The following PTPRG variants were observed in gnomAD, a reference collection of about 807,000 sequenced individuals.
PTPRG encodes protein tyrosine phosphatase receptor type G.
In PTPRG, 102 loss-of-function variants were observed where a neutral mutation model predicts 165.3. That is an observed-to-expected ratio of 0.62 (90% confidence interval 0.53 to 0.73). The LOEUF (loss-of-function observed/expected upper bound fraction) is 0.73. PTPRG is among the 30% of genes least tolerant of loss of function. PTPRG has a pLI of 0.00. For synonymous variants in PTPRG, 675 were observed against 669.5 expected, an observed-to-expected ratio of 1.01 and a Z score of -0.13; for missense variants, 1,866 against 1,861.4, an observed-to-expected ratio of 1.00 and a Z score of -0.05.
chr3:61,949,089 A>T (rs1409410046), intron 2 of PTPRG, among the ~76,000 whole-genome samples: 1 of 151,990 alleles, frequency 6.6e-6, no homozygotes, highest in African/African-American at 2.4e-5. Context: ...ATGGCTTTTA[A>T]TGGGAATGCT....
chr3:62,293,401 C>CTAGAGT lies in PTPRG; in HGVS notation c.*94_*95insTAGAGT. Reference sequence around the variant, plus strand: ...GCCAGACTCTAGGTTATACAATAACCCAGTTACTTTTTTACACTGATAAAA... The same window carrying CTAGAGT: ...GCCAGACTCTAGGTTATACAATAACCTAGAGTCAGTTACTTTTTTACACTGATAAAA... On this transcript the variant is annotated 3_prime_UTR_variant, in exon 30 of 30. Coordinates refer to ENST00000474889, the MANE Select transcript of PTPRG (RefSeq NM_002841.4). 1 of 1,160,654 alleles carries CTAGAGT rather than the reference C, an allele frequency of 8.6e-7. No homozygotes were observed. Among genetic ancestry groups the CTAGAGT allele is most frequent in the Non-Finnish European group, 1.2e-6 (1 of 856,182 alleles). The allele number at this position is 1,160,654 out of a possible 1,614,324, so 71.9% of individuals were successfully genotyped here.
intron 24 of PTPRG, chr3:62,276,754 ATTCCTACAATGCCT>A (rs1702244465): frequency 1.9e-6 from 1 of 532,352 alleles, no homozygotes; most frequent in Non-Finnish European, 3.3e-6. Flanking sequence ...GTAAAACTGT[ATTCCTACAATGCCT>A]GTGTCCTTCT....
intron 2 of PTPRG, among the ~76,000 whole-genome samples, chr3:61,833,615 T>C (rs945656656): frequency 1.3e-5 from 2 of 152,088 alleles, no homozygotes; most frequent in African/African-American, 4.8e-5. Flanking sequence ...CAGGCTGGAG[T>C]GCAGTGGTGT....
At chr3:62,032,537 A>T (rs1033980480) in intron 4 of PTPRG, among the ~76,000 whole-genome samples, 2 of 148,184 alleles carry the variant, frequency 1.3e-5, no homozygotes, top group Non-Finnish European at 3.0e-5. Flanking sequence ...GAGCATTCCC[A>T]TTTTTTTTTT....
At chr3:61,883,820 C>T (rs2107477114) in intron 2 of PTPRG, among the ~76,000 whole-genome samples, 1 of 152,208 alleles carries the variant, frequency 6.6e-6, no homozygotes, top group Non-Finnish European at 1.5e-5. Flanking sequence ...AAGCAATCCT[C>T]CCCACCCCAG....
At chr3:62,144,654 C>T (rs1183830267) in intron 6 of PTPRG, among the ~76,000 whole-genome samples, 1 of 152,150 alleles carries the variant, frequency 6.6e-6, no homozygotes, top group East Asian at 1.9e-4. Flanking sequence ...TGATGCTTAT[C>T]AGAACACGTT....
At chr3:61,636,956 C>T (rs1216482119) in intron 1 of PTPRG, among the ~76,000 whole-genome samples, 1 of 152,082 alleles carries the variant, frequency 6.6e-6, no homozygotes, top group Non-Finnish European at 1.5e-5. Flanking sequence ...TTCATTTCAA[C>T]CTTGGGTACT....
chr3:62,040,506 T>C (rs1030813382), intron 4 of PTPRG, among the ~76,000 whole-genome samples: 1 of 152,202 alleles, frequency 6.6e-6, no homozygotes, highest in African/African-American at 2.4e-5. Flanking sequence ...CAGACTGGAG[T>C]GCAGTGGTGC....
chr3:61,976,278 G>A (rs1386423278), intron 2 of PTPRG, among the ~76,000 whole-genome samples: 1 of 152,174 alleles, frequency 6.6e-6, no homozygotes, highest in Non-Finnish European at 1.5e-5. Flanking sequence ...GGCCTTTTGA[G>A]CATTTTTATC....
chr3:62,020,795 C>T (rs769260224), intron 4 of PTPRG, among the ~76,000 whole-genome samples: 3 of 151,784 alleles, frequency 2.0e-5, no homozygotes, highest in Non-Finnish European at 4.4e-5. Context: ...CTCACTGCAG[C>T]CTCGAACTCC....
At position 62,003,413 on chromosome 3, in the gene PTPRG, T is replaced by C. The variant is rs1195295995; in HGVS notation, c.435T>C (p.Ala145=). The change falls in exon 4 of 30, where the codon GCT becomes GCC. Residue 145 remains alanine (A), a synonymous_variant. Transcript: ENST00000474889. ...SGAGLPGRFK[A]EKVEFHWGHS... ...CTGGTCTACCTGGCAGATTCAAAGC[T>C]GAGAAGGTGGAATTTCACTGGGGCC... is the stretch of plus-strand genomic sequence containing the variant. 1 of 1,613,832 alleles carries C rather than the reference T, an allele frequency of 6.2e-7. No homozygotes were observed. Among genetic ancestry groups the C allele is most frequent in the Non-Finnish European group, 8.5e-7 (1 of 1,179,860 alleles).
intron 2 of PTPRG, among the ~76,000 whole-genome samples, chr3:61,774,037 A>G (rs1161404756): frequency 6.6e-6 from 1 of 152,176 alleles, no homozygotes; most frequent in African/African-American, 2.4e-5. Flanking sequence ...AGCCTCCCAA[A>G]GTGCTAGGAT....
At chr3:61,898,602 T>C (rs1371964499) in intron 2 of PTPRG, among the ~76,000 whole-genome samples, 1 of 152,212 alleles carries the variant, frequency 6.6e-6, no homozygotes, top group Non-Finnish European at 1.5e-5. Flanking sequence ...ATAGGCATGA[T>C]AGGTTACATT....
At chr3:62,130,021 TG>T in intron 5 of PTPRG, among the ~76,000 whole-genome samples, 2 of 152,366 alleles carry the variant, frequency 1.3e-5, no homozygotes. Context: ...TGGAAACTAA[TG>T]GCTAAATTTT....
chr3:62,118,527 C>G (rs1576023783), intron 5 of PTPRG: 1 of 152,274 alleles, frequency 6.6e-6, no homozygotes, highest in Middle Eastern at 3.4e-3. Flanking sequence ...AAATTCTGAT[C>G]TAGAAAAAGG....
intron 2 of PTPRG, chr3:61,769,153 A>G (rs2034128474): frequency 6.6e-6 from 1 of 152,186 alleles, no homozygotes; most frequent in Non-Finnish European, 1.5e-5. Context: ...ATTTGAATTT[A>G]TGGACGTGAA....
At chr3:62,154,878 G>T (rs1413421389) in intron 6 of PTPRG, among the ~76,000 whole-genome samples, 2 of 152,122 alleles carry the variant, frequency 1.3e-5, no homozygotes, top group Admixed American at 6.5e-5. Context: ...TGCAGTTGGT[G>T]GTGCCAAGCC....
chr3:61,804,759 C>T (rs935849171), intron 2 of PTPRG, among the ~76,000 whole-genome samples: 8 of 151,906 alleles, frequency 5.3e-5, no homozygotes, highest in African/African-American at 1.2e-4. Context: ...CAAAAGTTCA[C>T]GTTTCTGTTT....
chr3:61,868,875 G>A (rs1205100168), intron 2 of PTPRG, among the ~76,000 whole-genome samples: 8 of 150,940 alleles, frequency 5.3e-5, no homozygotes, highest in Non-Finnish European at 1.0e-4. Context: ...TTATAACAAG[G>A]TCTGATTTGA....
Sources: allele counts gnomAD v4.1 joint callset (sites outside exome capture counted in the v4.1 genomes callset), GRCh38; gene constraint gnomAD v4.1.1; transcripts MANE v1.5; gene names NCBI Gene and HGNC (gene_info 2026-07-23, HGNC 2026-07-21).